The following PP2D1 variants were observed in gnomAD, a reference collection of about 807,000 sequenced individuals.
The protein encoded by PP2D1 is protein phosphatase 2C-like domain-containing protein 1.
A neutral mutation model predicts 30.2 loss-of-function variants in PP2D1; 25 were observed. The ratio of observed to expected loss-of-function variants is 0.83; its 90% confidence interval spans 0.60 to 1.16. The LOEUF (loss-of-function observed/expected upper bound fraction) is 1.16, where lower values mean the gene tolerates loss of function less well. PP2D1 is among the 50% of genes most tolerant of loss of function. The probability of loss-of-function intolerance (pLI) is 0.00; values close to 1 mark genes in which losing one functional copy is unlikely to be tolerated. For missense variants in PP2D1, 760 were observed against 742.4 expected (o/e 1.02, Z -0.28); for synonymous variants, 260 against 258.9 (o/e 1.00, Z -0.04).
At chr3:19,983,829 T>C (rs574451798), downstream of PP2D1, 2 of 1,535,976 alleles carry the variant, frequency 1.3e-6, no homozygotes, top group Admixed American at 1.7e-5. Context: ...ACTAAACCTC[T>C]AGTTTGAACT....
At chr3:20,006,349 T>C (rs867513106) in intron 1 of PP2D1, among the ~76,000 whole-genome samples, 3 of 152,186 alleles carry the variant, frequency 2.0e-5, no homozygotes, top group Admixed American at 6.6e-5. Context: ...TGCTAGGTCA[T>C]GCACAGGAAG....
intron 1 of PP2D1, among the ~76,000 whole-genome samples, chr3:20,004,091 G>T (rs972506020): frequency 2.6e-5 from 4 of 152,096 alleles, no homozygotes; most frequent in African/African-American, 9.7e-5. Context: ...ACACCCAGAG[G>T]GACTTCCAGT....
chr3:20,004,950 T>G (rs1200022452), intron 1 of PP2D1, among the ~76,000 whole-genome samples: 1 of 151,564 alleles, frequency 6.6e-6, no homozygotes, highest in Non-Finnish European at 1.5e-5. Flanking sequence ...CTATTAACAA[T>G]TAAAAAAAGA....
Position 20,001,842 on chromosome 3 carries a change from A to G in PP2D1, c.278T>C (p.Phe93Ser), listed in dbSNP as rs1697258546. ...KQHVALATLG[F>S]QWMGRKKPQP... ...TGGTTTCTTTCTACCCATCCATTGG[A>G]AACCCAGCGTGGCCAGAGCTACATG... The change falls in exon 2 of 3, where the codon TTC becomes TCC. Residue 93 changes from phenylalanine to serine, a missense_variant. Phe to Ser is a radical substitution (Grantham distance 155, BLOSUM62 -2). Around this residue, in one of 3 missense-constraint regions of PP2D1, gnomAD observed 374 missense variants for 388.8 expected, o/e 0.96. Transcript: ENST00000389050. 1 of 1,535,416 alleles carries G rather than the reference A, an allele frequency of 6.5e-7. No individual in the cohort carries two copies. Among genetic ancestry groups the G allele is most frequent in the African/African-American group, 1.4e-5 (1 of 72,966 alleles).
chr3:19,999,341 A>G (rs2365373), intron 2 of PP2D1, among the ~76,000 whole-genome samples: 115,366 of 151,762 alleles, frequency 0.76, 44,374 homozygotes, highest in African/African-American at 0.81. Context: ...GCCTCCCAAA[A>G]TGCTGGTTAC....
chr3:19,992,480 G>A (rs1235062288), intron 2 of PP2D1, among the ~76,000 whole-genome samples: 1 of 152,150 alleles, frequency 6.6e-6, no homozygotes, highest in Admixed American at 6.6e-5. Context: ...CGGTAGGGAT[G>A]GGGATAATTT....
At chr3:19,983,564 A>G (rs1696974235), downstream of PP2D1, 1 of 638,482 alleles carries the variant, frequency 1.6e-6, no homozygotes, top group African/African-American at 1.8e-5. Context: ...TTCAATACTC[A>G]GTAAACATTT....
At chr3:19,988,742 T>C (rs933280469) in intron 2 of PP2D1, among the ~76,000 whole-genome samples, 3 of 152,124 alleles carry the variant, frequency 2.0e-5, no homozygotes, top group African/African-American at 7.2e-5. Flanking sequence ...AAAATTTCTG[T>C]CTTTACTGTA....
At chr3:20,005,548 G>C (rs1466715507) in intron 1 of PP2D1, among the ~76,000 whole-genome samples, 2 of 152,104 alleles carry the variant, frequency 1.3e-5, no homozygotes, top group African/African-American at 4.8e-5. Flanking sequence ...TAATGTGTTA[G>C]AGTAATGAGG....
intron 2 of PP2D1, among the ~76,000 whole-genome samples, chr3:19,990,622 A>G (rs1234459379): frequency 6.6e-6 from 1 of 152,224 alleles, no homozygotes; most frequent in East Asian, 1.9e-4. Context: ...CAATAGTTTC[A>G]TTTTGTAACA....
At chr3:19,980,129 A>G (rs1696895069) in exon 4 of PP2D1, 1 of 152,224 alleles carries the variant, frequency 6.6e-6, no homozygotes, top group Non-Finnish European at 1.5e-5. Context: ...ATTGTGTGAT[A>G]ATATACTCAT....
intron 2 of PP2D1, among the ~76,000 whole-genome samples, chr3:19,986,500 G>C (rs1697038118): frequency 1.3e-5 from 2 of 152,030 alleles, no homozygotes; most frequent in African/African-American, 4.8e-5. Context: ...TCACATTGCA[G>C]AGTCATGAGT....
downstream of PP2D1, chr3:19,984,038 A>T (rs964354697): frequency 6.0e-6 from 3 of 500,756 alleles, no homozygotes; most frequent in Non-Finnish European, 1.1e-5. Flanking sequence ...GGGAAAAATG[A>T]GAACTATGTG....
intron 2 of PP2D1, among the ~76,000 whole-genome samples, chr3:19,991,263 C>T (rs1363271558): frequency 2.0e-5 from 3 of 152,130 alleles, no homozygotes; most frequent in Non-Finnish European, 2.9e-5. Context: ...CTGCCTCCTG[C>T]AATTACTGGG....
intron 2 of PP2D1, among the ~76,000 whole-genome samples, chr3:19,995,501 C>A (rs1332694405): frequency 6.6e-6 from 1 of 152,216 alleles, no homozygotes; most frequent in African/African-American, 2.4e-5. Context: ...CTTCAGGCAT[C>A]TGGCCTCCTG....
Position 19,985,918 on chromosome 3 carries a change from A to G in PP2D1, c.1355T>C (p.Val452Ala). 1 of 1,536,456 alleles carries G rather than the reference A, an allele frequency of 6.5e-7. No individual in the cohort carries two copies. Among genetic ancestry groups the G allele is most frequent in the Non-Finnish European group, 8.7e-7 (1 of 1,146,960 alleles). The stretch of plus-strand genomic sequence containing the variant: ...AACTTCCCAAAGTCCATTAGTAGCT[A>G]CAATAAGGAATTGACATAGGTCATC... ...PIDDLCQFLI[V>A]ATNGLWEVLD... The change falls in exon 3 of 3, where the codon GTA (valine) becomes GCA (alanine). Residue 452 changes from valine to alanine, a missense_variant. This residue lies in a region of PP2D1 where 369 missense variants were observed against 316.2 expected (regional missense o/e 1.17). Transcript: ENST00000389050.
chr3:20,001,742 T>G lies in PP2D1; in HGVS notation c.378A>C (p.Lys126Asn), dbSNP rs763566019. Residue 126 changes from lysine (K) to asparagine (N), a missense_variant, in exon 2 of 3, where the codon AAA (lysine) becomes AAC (asparagine). By Grantham distance (94) the Lys-to-Asn change is moderately conservative. Transcript: ENST00000389050. Reference protein sequence around the residue: ...KLLSSFMFTEKTLQSINNAFE... With the variant: ...KLLSSFMFTENTLQSINNAFE... Reference sequence around the variant, plus strand: ...AAGCATTATTAATGCTCTGTAGGGTTTTTTCAGTGAACATAAAAGATGACA... The same window carrying G: ...AAGCATTATTAATGCTCTGTAGGGTGTTTTCAGTGAACATAAAAGATGACA... 3.3e-6 allele frequency: 5 copies of G among 1,531,494 alleles called. No homozygotes were observed. In the South Asian group the frequency reaches 3.6e-5, roughly 11 times the overall value. The allele number at this position is 1,531,494 out of a possible 1,614,324, so 94.9% of individuals were successfully genotyped here.
intron 2 of PP2D1, among the ~76,000 whole-genome samples, chr3:19,986,753 C>T (rs147196167): frequency 2.2e-4 from 33 of 150,222 alleles, no homozygotes; most frequent in African/African-American, 7.3e-4. Context: ...TAAGTCAATC[C>T]GCCAGGTGTG....
chr3:19,988,650 AT>A (rs1697075090), intron 2 of PP2D1, among the ~76,000 whole-genome samples: 1 of 152,170 alleles, frequency 6.6e-6, no homozygotes, highest in Non-Finnish European at 1.5e-5. Flanking sequence ...AAAATCACTA[AT>A]AAAAACTTGC....
Sources: allele counts gnomAD v4.1 joint callset (sites outside exome capture counted in the v4.1 genomes callset), GRCh38; gene constraint gnomAD v4.1.1; regional missense constraint gnomAD v4.1.1; transcripts MANE v1.5; gene names NCBI Gene and HGNC (gene_info 2026-07-23, HGNC 2026-07-21).